The following VTI1A variants were observed in gnomAD, a reference collection of about 807,000 sequenced individuals.
The protein encoded by VTI1A is vesicle transport through interaction with t-SNAREs 1A.
VTI1A carries 22 observed loss-of-function variants against 34.9 expected under a neutral mutation model. That is an observed-to-expected ratio of 0.63 (90% CI 0.45 to 0.90). VTI1A has a LOEUF of 0.90. Among genes scored for constraint, VTI1A ranks in the 40% least tolerant of loss-of-function variants. The pLI, the probability that VTI1A is intolerant of heterozygous loss-of-function variation, is 0.00. For synonymous variants in VTI1A, 87 were observed against 97.3 expected (o/e 0.89, Z 0.62); for missense variants, 268 against 275.6 (o/e 0.97, Z 0.20).
intron 1 of VTI1A, among the ~76,000 whole-genome samples, chr10:112,453,655 A>G (rs879715209): frequency 4.0e-5 from 6 of 150,662 alleles, no homozygotes; most frequent in Non-Finnish European, 7.4e-5. Flanking sequence ...TACCCCCATC[A>G]TTTTGGCTTT....
intron 7 of VTI1A, among the ~76,000 whole-genome samples, chr10:112,736,541 G>T (rs746923302): frequency 2.2e-4 from 34 of 152,104 alleles, no homozygotes; most frequent in African/African-American, 6.8e-4. Context: ...TGGGACAAGC[G>T]CAGAGTTAAG....
intron 3 of VTI1A, among the ~76,000 whole-genome samples, chr10:112,505,898 T>C (rs1001721110): frequency 1.3e-5 from 2 of 152,174 alleles, no homozygotes; most frequent in Non-Finnish European, 2.9e-5. Flanking sequence ...ATTTTAGTTA[T>C]ATAGTAGTCC....
At chr10:112,526,846 G>A (rs1209608548) in intron 3 of VTI1A, among the ~76,000 whole-genome samples, 1 of 152,072 alleles carries the variant, frequency 6.6e-6, no homozygotes, top group Non-Finnish European at 1.5e-5. Flanking sequence ...GTTCAGATGC[G>A]TTTATGAATA....
the VTI1A span, chr10:112,826,911 A>AATGC: frequency 6.6e-6 from 1 of 152,208 alleles, no homozygotes; most frequent in Admixed American, 6.5e-5. Flanking sequence ...GGAATGAATG[A>AATGC]ATGCATGAAT....
At chr10:112,582,663 A>G (rs566634816) in intron 5 of VTI1A, among the ~76,000 whole-genome samples, 3 of 152,318 alleles carry the variant, frequency 2.0e-5, no homozygotes, top group Non-Finnish European at 2.9e-5. Context: ...TAAATTTGTT[A>G]TGACCTAACA....
chr10:112,778,567 GAA>G (rs1852020023), intron 7 of VTI1A, among the ~76,000 whole-genome samples: 1 of 152,148 alleles, frequency 6.6e-6, no homozygotes, highest in African/African-American at 2.4e-5. Flanking sequence ...ATTTTACTGA[GAA>G]AAGTCTTTGG....
intron 7 of VTI1A, among the ~76,000 whole-genome samples, chr10:112,772,248 A>G (rs1038137272): frequency 1.3e-5 from 2 of 152,208 alleles, no homozygotes; most frequent in African/African-American, 4.8e-5. Flanking sequence ...AGCCATCCTA[A>G]TGGATGAGAA....
chr10:112,638,815 G>A (rs78104143), intron 5 of VTI1A, among the ~76,000 whole-genome samples: 1,565 of 143,384 alleles, frequency 0.011, 77 homozygotes, highest in East Asian at 0.1. Flanking sequence ...AGCAAAACAG[G>A]TTGGGCTTTT....
intron 5 of VTI1A, among the ~76,000 whole-genome samples, chr10:112,627,317 T>C (rs982995348): frequency 2.6e-5 from 4 of 152,148 alleles, no homozygotes; most frequent in Non-Finnish European, 5.9e-5. Context: ...TCAGTCCAGT[T>C]GAAAACTAGA....
At chr10:112,492,773 CAA>C (rs35608429) in intron 3 of VTI1A, among the ~76,000 whole-genome samples, 7 of 106,116 alleles carry the variant, frequency 6.6e-5, no homozygotes, top group Non-Finnish European at 7.9e-5. Context: ...GCAACAGTCT[CAA>C]AAAAAAAAAA....
chr10:112,505,756 C>G (rs1023618263), intron 3 of VTI1A, among the ~76,000 whole-genome samples: 1 of 151,836 alleles, frequency 6.6e-6, no homozygotes, highest in Non-Finnish European at 1.5e-5. Flanking sequence ...TCACTCTAGT[C>G]TTAACCTCCC....
At chr10:112,760,469 T>C (rs1241213590) in intron 7 of VTI1A, among the ~76,000 whole-genome samples, 3 of 152,248 alleles carry the variant, frequency 2.0e-5, no homozygotes, top group Non-Finnish European at 4.4e-5. Flanking sequence ...GAGACTACTA[T>C]ATCCTGTTCT....
At chr10:112,717,629 G>A (rs1331623217) in intron 7 of VTI1A, among the ~76,000 whole-genome samples, 3 of 152,192 alleles carry the variant, frequency 2.0e-5, no homozygotes, top group Admixed American at 2.0e-4. Context: ...TGGCAGCCCA[G>A]GGCACCTAAG....
At chr10:112,566,912 A>G (rs1851923587) in intron 5 of VTI1A, among the ~76,000 whole-genome samples, 1 of 152,054 alleles carries the variant, frequency 6.6e-6, no homozygotes, top group South Asian at 2.1e-4. Flanking sequence ...AACTTGTCCT[A>G]CTGATAATTT....
chr10:112,562,408 A>G (rs1851754903), intron 5 of VTI1A, among the ~76,000 whole-genome samples: 1 of 152,090 alleles, frequency 6.6e-6, no homozygotes, highest in South Asian at 2.1e-4. Context: ...TATATTTAGG[A>G]TAATTAAGTC....
intron 7 of VTI1A, among the ~76,000 whole-genome samples, chr10:112,688,456 C>A (rs1437593434): frequency 6.6e-6 from 1 of 151,326 alleles, no homozygotes; most frequent in Non-Finnish European, 1.5e-5. Flanking sequence ...TGTAGTGTAG[C>A]CAGTTTTAAG....
At chr10:112,508,413 T>C (rs1363603926) in intron 3 of VTI1A, among the ~76,000 whole-genome samples, 2 of 152,220 alleles carry the variant, frequency 1.3e-5, no homozygotes, top group East Asian at 1.9e-4. Flanking sequence ...GTGAATAATA[T>C]CTATTTTATA....
intron 7 of VTI1A, among the ~76,000 whole-genome samples, chr10:112,792,235 A>T (rs531987779): frequency 2.6e-5 from 4 of 152,284 alleles, no homozygotes; most frequent in East Asian, 3.9e-4. Flanking sequence ...AGATTGTACC[A>T]CTATACTCCA....
chr10:112,664,575 A>G (rs983365850), intron 5 of VTI1A, among the ~76,000 whole-genome samples: 2 of 152,162 alleles, frequency 1.3e-5, no homozygotes, highest in Non-Finnish European at 2.9e-5. Context: ...AAGTTACCTG[A>G]TTCTTTCTCA....
Sources: gnomAD v4.1 joint callset for allele counts (sites outside exome capture counted in the v4.1 genomes callset) on GRCh38, gnomAD v4.1.1 for gene constraint, MANE v1.5 for transcripts, NCBI Gene and HGNC (gene_info 2026-07-23, HGNC 2026-07-21) for gene names.